ZCCHC7: variants seen among roughly 807,000 people sequenced by gnomAD.
The protein encoded by ZCCHC7 is zinc finger CCHC-type containing 7, also known as zinc finger CCHC domain-containing protein 7.
ZCCHC7 carries 35 observed loss-of-function variants against 52.0 expected under a neutral mutation model. The ratio of observed to expected loss-of-function variants is 0.67; its 90% CI spans 0.51 to 0.89. The LOEUF (loss-of-function observed/expected upper bound fraction) is 0.89. Ranked by LOEUF, ZCCHC7 falls within the 40% of genes least tolerant of loss-of-function variation. ZCCHC7 has a pLI of 0.00. For missense variants in ZCCHC7, 574 were observed against 649.1 expected, an observed-to-expected ratio of 0.88 and a Z score of 1.26; for synonymous variants, 217 against 221.5, an observed-to-expected ratio of 0.98 and a Z score of 0.18.
chr9:37,221,754 T>C (rs1005176210), intron 2 of ZCCHC7, among the ~76,000 whole-genome samples: 1 of 152,004 alleles, frequency 6.6e-6, no homozygotes, highest in Non-Finnish European at 1.5e-5. Flanking sequence ...AGGGAATGAA[T>C]GGGAGGAACA....
chr9:37,182,910 C>T (rs1822444350), intron 2 of ZCCHC7, among the ~76,000 whole-genome samples: 1 of 152,146 alleles, frequency 6.6e-6, no homozygotes, highest in South Asian at 2.1e-4. Flanking sequence ...CCCTGGAAGC[C>T]AGGAGCTCAA....
chr9:37,286,091 GATGAA>G (rs1167821387), intron 2 of ZCCHC7, among the ~76,000 whole-genome samples: 1 of 152,290 alleles, frequency 6.6e-6, no homozygotes, highest in Non-Finnish European at 1.5e-5. Flanking sequence ...TGTGGTACAT[GATGAA>G]ATGAAATTGT....
intron 2 of ZCCHC7, among the ~76,000 whole-genome samples, chr9:37,230,536 A>G (rs1256304849): frequency 6.6e-6 from 1 of 152,194 alleles, no homozygotes; most frequent in Admixed American, 6.5e-5. Context: ...TATATAGAAA[A>G]GATATTAAAT....
intron 5 of ZCCHC7, among the ~76,000 whole-genome samples, chr9:37,307,443 A>G (rs1264280940): frequency 2.6e-5 from 4 of 152,060 alleles, no homozygotes; most frequent in African/African-American, 7.2e-5. Context: ...TCATCCTCAT[A>G]CCTAAGTGGC....
intron 2 of ZCCHC7, among the ~76,000 whole-genome samples, chr9:37,151,092 G>A (rs751871921): frequency 6.6e-6 from 1 of 151,620 alleles, no homozygotes; most frequent in Non-Finnish European, 1.5e-5. Context: ...AGCCTCCCGA[G>A]TAGCTGGGAC....
chr9:37,195,438 A>T (rs1265026117), intron 2 of ZCCHC7, among the ~76,000 whole-genome samples: 3 of 152,218 alleles, frequency 2.0e-5, no homozygotes, highest in African/African-American at 7.2e-5. Flanking sequence ...TAGATATATG[A>T]AAAATGCTGC....
At chr9:37,188,081 T>C (rs987436535) in intron 2 of ZCCHC7, among the ~76,000 whole-genome samples, 23 of 152,198 alleles carry the variant, frequency 1.5e-4, no homozygotes, top group Non-Finnish European at 4.4e-5. Context: ...CTTCTGGAAC[T>C]TGAGGAAATG....
chr9:37,302,200 T>C lies in ZCCHC7; in HGVS notation c.623T>C (p.Ile208Thr), dbSNP rs148198334. 162 of 1,609,122 alleles carry C rather than the reference T, an allele frequency of 1.0e-4. No homozygotes were observed. The highest frequency in any genetic ancestry group is 1.3e-4 in the Non-Finnish European group (154 of 1,177,296). Reference protein sequence around the residue: ...ENSVTEGEDGINWSISDKDIE... With the variant: ...ENSVTEGEDGTNWSISDKDIE... Reference sequence around the variant, plus strand: ...ATTTGTTTTGTAGGAGAAGATGGTATAAACTGGTCCATCAGTGACAAAGAC... The same window carrying C: ...ATTTGTTTTGTAGGAGAAGATGGTACAAACTGGTCCATCAGTGACAAAGAC... Residue 208 changes from isoleucine to threonine, a missense_variant, in exon 3 of 9, where the codon ATA becomes ACA. Ile to Thr is a moderately conservative substitution (Grantham distance 89, BLOSUM62 -1). Coordinates refer to ENST00000336755, the MANE Select transcript of ZCCHC7 (RefSeq NM_032226.3).
chr9:37,191,132 T>C (rs1354477627), intron 2 of ZCCHC7, among the ~76,000 whole-genome samples: 4 of 152,190 alleles, frequency 2.6e-5, no homozygotes, highest in African/African-American at 9.7e-5. Context: ...GTAAAACATT[T>C]TGGGCACTTG....
At chr9:37,239,630 T>G (rs766392510) in intron 2 of ZCCHC7, among the ~76,000 whole-genome samples, 3 of 152,150 alleles carry the variant, frequency 2.0e-5, no homozygotes, top group Non-Finnish European at 2.9e-5. Context: ...ACTGTCATTT[T>G]TTTATTATTG....
chr9:37,301,444 A>G (rs974464533), intron 2 of ZCCHC7, among the ~76,000 whole-genome samples: 1 of 152,172 alleles, frequency 6.6e-6, no homozygotes, highest in African/African-American at 2.4e-5. Context: ...CAAAAAAATT[A>G]TAAAAATTAG....
chr9:37,225,783 A>G (rs1384126162), intron 2 of ZCCHC7, among the ~76,000 whole-genome samples: 1 of 152,234 alleles, frequency 6.6e-6, no homozygotes, highest in Non-Finnish European at 1.5e-5. Flanking sequence ...AACTAGGAGT[A>G]CAAGGGGCAC....
At chr9:37,289,557 A>G (rs907046857) in intron 2 of ZCCHC7, among the ~76,000 whole-genome samples, 6 of 152,124 alleles carry the variant, frequency 3.9e-5, no homozygotes, top group Non-Finnish European at 5.9e-5. Context: ...CCCTGGTCAG[A>G]GGTACTATCT....
At chr9:37,191,434 G>GT (rs1823017476) in intron 2 of ZCCHC7, among the ~76,000 whole-genome samples, 1 of 151,076 alleles carries the variant, frequency 6.6e-6, no homozygotes, top group South Asian at 2.1e-4. Flanking sequence ...TGTACTTTTT[G>GT]TTTTTTACAC....
At chr9:37,345,904 A>G (rs995990773) in intron 6 of ZCCHC7, among the ~76,000 whole-genome samples, 2 of 152,166 alleles carry the variant, frequency 1.3e-5, no homozygotes, top group Admixed American at 1.3e-4. Context: ...TTGTTTTGCT[A>G]CAGTTTTTCA....
At chr9:37,272,396 C>T (rs1212325537) in intron 2 of ZCCHC7, among the ~76,000 whole-genome samples, 1 of 140,836 alleles carries the variant, frequency 7.1e-6, no homozygotes, top group East Asian at 2.2e-4. Flanking sequence ...AAAATACATA[C>T]ATAAAACGTG....
chr9:37,249,456 C>CTTTTTTTTTTTTTTTTTTTTTTTT (rs60166399), intron 2 of ZCCHC7, among the ~76,000 whole-genome samples: 9 of 111,266 alleles, frequency 8.1e-5, no homozygotes, highest in East Asian at 2.3e-4. Context: ...CTTCTTCTTC[C>CTTTTTTTTTTTTTTTTTTTTTTTT]TTTTTTTTTT....
intron 2 of ZCCHC7, among the ~76,000 whole-genome samples, chr9:37,286,262 T>G (rs1337938592): frequency 6.6e-6 from 1 of 152,176 alleles, no homozygotes; most frequent in African/African-American, 2.4e-5. Flanking sequence ...TTTTTGGTAT[T>G]AAATCAATTA....
chr9:37,342,250 C>T (rs751751305), intron 6 of ZCCHC7, among the ~76,000 whole-genome samples: 8 of 152,002 alleles, frequency 5.3e-5, no homozygotes, highest in Non-Finnish European at 8.8e-5. Flanking sequence ...TAAGGTTGTT[C>T]GTTTTTGGCC....
Sources: allele counts gnomAD v4.1 joint callset (sites outside exome capture counted in the v4.1 genomes callset), GRCh38; gene constraint gnomAD v4.1.1; transcripts MANE v1.5; gene names NCBI Gene and HGNC (gene_info 2026-07-23, HGNC 2026-07-21).